Variants in C17orf78 observed in about 807,000 individuals in gnomAD.
The protein encoded by C17orf78 is chromosome 17 open reading frame 78, also known as uncharacterized protein C17orf78.
Under a neutral mutation model 31.8 loss-of-function variants are expected in C17orf78, and 27 were observed. That is an observed-to-expected ratio of 0.85 (90% CI 0.63 to 1.17). The LOEUF (loss-of-function observed/expected upper bound fraction) is 1.17, where lower values mean the gene tolerates loss of function less well. Ranked by LOEUF, C17orf78 falls within the 50% of genes most tolerant of loss-of-function variation. The probability of loss-of-function intolerance (pLI) is 0.00; values close to 1 mark genes in which losing one functional copy is unlikely to be tolerated. For synonymous variants in C17orf78, 106 were observed against 115.1 expected (o/e 0.92, Z 0.51); for missense variants, 258 against 315.2 (o/e 0.82, Z 1.37).
At chr17:37,378,438 C>G (rs1424154082) in intron 2 of C17orf78, among the ~76,000 whole-genome samples, 1 of 152,218 alleles carries the variant, frequency 6.6e-6, no homozygotes, top group African/African-American at 2.4e-5. Flanking sequence ...TTTGGCCAGG[C>G]ATGGTGGCTC....
chr17:37,385,119 C>T (rs1057312882), intron 3 of C17orf78, among the ~76,000 whole-genome samples: 21 of 152,234 alleles, frequency 1.4e-4, no homozygotes, highest in Non-Finnish European at 2.9e-5. Context: ...ACAGGTTACC[C>T]TCCTTCTACC....
At chr17:37,386,804 C>A (rs1411357472) in intron 4 of C17orf78, 2 of 152,044 alleles carry the variant, frequency 1.3e-5, no homozygotes, top group Non-Finnish European at 2.9e-5. Context: ...GTGATGACAC[C>A]AACCAAGTGC....
chr17:37,389,339 A>C lies in C17orf78; in HGVS notation c.727A>C (p.Lys243Gln). ...GGQPPGTAES[K>Q]PDSQPQKVGQ... ...CCAGCCACCTGGGACAGCTGAATCC[A>C]AGCCTGACTCTCAGCCCCAGAAGGA... The change falls in exon 6 of 7, where the codon AAG becomes CAG. Residue 243 changes from lysine (K) to glutamine (Q), a missense_variant. By Grantham distance (53) the Lys-to-Gln change is moderately conservative. Coordinates refer to ENST00000615133, the MANE Select transcript of C17orf78 (RefSeq NM_173625.5). 1 of 1,590,892 alleles carries C rather than the reference A, an allele frequency of 6.3e-7. No individual in the cohort carries two copies. The highest frequency in any genetic ancestry group is 1.3e-5 in the African/African-American group (1 of 74,598).
intron 3 of C17orf78, among the ~76,000 whole-genome samples, chr17:37,380,029 T>C: frequency 6.6e-6 from 1 of 151,362 alleles, no homozygotes; most frequent in Non-Finnish European, 1.5e-5. Context: ...CCAACCCAAA[T>C]GTCCAATAAT....
At position 37,377,878 on chromosome 17, in the gene C17orf78, G is replaced by A. The variant is rs1352133341; in HGVS notation, c.59-1G>A. On this transcript the variant is annotated splice_acceptor_variant, in intron 1 of 6. Coordinates refer to ENST00000615133, the MANE Select transcript of C17orf78 (RefSeq NM_173625.5). LOFTEE classifies it high-confidence loss of function. ...CCTCCTCCCCCTCTGCTCACCCCCA[G>A]ACCTCAGAGATAGCAGTTGCCGACT... 2 of 1,607,446 alleles carry A rather than the reference G, an allele frequency of 1.2e-6. No individual in the cohort carries two copies. The highest frequency in any genetic ancestry group is 1.7e-5 in the Admixed American group (1 of 59,508).
intron 4 of C17orf78, chr17:37,387,628 G>A (rs539257790): frequency 6.6e-6 from 1 of 151,290 alleles, no homozygotes; most frequent in Non-Finnish European, 1.5e-5. Context: ...TGTATTTTTA[G>A]TAGAGACGGG....
intron 3 of C17orf78, among the ~76,000 whole-genome samples, chr17:37,381,919 A>ACG (rs1568082507): frequency 2.2e-4 from 34 of 152,012 alleles, no homozygotes; most frequent in South Asian, 1.9e-3. Flanking sequence ...GAGCCACTGC[A>ACG]CCCGGCCATG....
chr17:37,381,915 C>CCA (rs1434276633), intron 3 of C17orf78, among the ~76,000 whole-genome samples: 1 of 152,202 alleles, frequency 6.6e-6, no homozygotes, highest in African/African-American at 2.4e-5. Context: ...GCGTGAGCCA[C>CCA]TGCACCCGGC....
chr17:37,389,380 G>A lies in C17orf78; in HGVS notation c.750+18G>A, dbSNP rs781675209. On this transcript the variant is annotated intron_variant, in intron 6 of 6. Transcript: ENST00000615133. ...CCCAGAAGGAAAGTGTTCTCTGTGT[G>A]GTTTATGTCATTTGCTTAAAGAAGG... 6 of 1,562,002 alleles carry A rather than the reference G, an allele frequency of 3.8e-6. No homozygotes were observed. In the East Asian group the frequency reaches 1.4e-4, roughly 37 times the overall value.
intron 6 of C17orf78, among the ~76,000 whole-genome samples, chr17:37,390,304 T>TTTTATATATA (rs1201500381): frequency 5.6e-5 from 1 of 17,988 alleles, no homozygotes; most frequent in Non-Finnish European, 8.1e-5. Context: ...TTATACATAA[T>TTTTATATATA]TATATATATA....
chr17:37,388,867 C>T lies in C17orf78; in HGVS notation c.633+73C>T, dbSNP rs982284448. On this transcript the variant is annotated intron_variant, in intron 5 of 6. Coordinates refer to ENST00000615133, the MANE Select transcript of C17orf78 (RefSeq NM_173625.5). ...TTCTTCTGTTCCAGAGGCAGCTTGG[C>T]ATAAGGAGAAAAGCATAGACTTTGG... 3 of 1,547,760 alleles carry T rather than the reference C, an allele frequency of 1.9e-6. No individual in the cohort carries two copies. In the Admixed American group the frequency reaches 5.4e-5, roughly 28 times the overall value.
chr17:37,378,505 G>A (rs112972082), intron 2 of C17orf78, among the ~76,000 whole-genome samples: 1,697 of 152,230 alleles, frequency 0.011, 26 homozygotes, highest in African/African-American at 0.037. Context: ...TTGAGCTTAC[G>A]AGTTTGAGAC....
At chr17:37,385,778 C>T (rs1262367012) in intron 3 of C17orf78, among the ~76,000 whole-genome samples, 2 of 152,102 alleles carry the variant, frequency 1.3e-5, no homozygotes, top group African/African-American at 4.8e-5. Context: ...TCACTTTGAT[C>T]CTATGTTAGT....
At chr17:37,378,709 G>C (rs2050111630) in intron 2 of C17orf78, among the ~76,000 whole-genome samples, 1 of 151,944 alleles carries the variant, frequency 6.6e-6, no homozygotes, top group African/African-American at 2.4e-5. Flanking sequence ...GCAAAACTCT[G>C]GGCAACAAGA....
In C17orf78 at chr17:37,391,743, A is replaced by G. The variant is rs756655256; in HGVS notation, c.*19A>G. ...CTTCTGAAAAGTTCTGCTCTATCTC[A>G]AAGACTGAATGATACTACACAGTCC... On this transcript the variant is annotated 3_prime_UTR_variant, in exon 7 of 7. Coordinates refer to ENST00000615133, the MANE Select transcript of C17orf78 (RefSeq NM_173625.5). 1.3e-6 allele frequency: 2 copies of G among 1,597,526 alleles called. No individual in the cohort carries two copies. The highest frequency in any genetic ancestry group is 1.7e-6 in the Non-Finnish European group (2 of 1,165,354).
intron 3 of C17orf78, among the ~76,000 whole-genome samples, chr17:37,380,390 C>A (rs1018451190): frequency 6.6e-6 from 1 of 150,452 alleles, no homozygotes; most frequent in Non-Finnish European, 1.5e-5. Flanking sequence ...CTAACCTGCA[C>A]AATGTGCACA....
chr17:37,384,609 T>C (rs1369650956), intron 3 of C17orf78, among the ~76,000 whole-genome samples: 1 of 152,134 alleles, frequency 6.6e-6, no homozygotes, highest in Non-Finnish European at 1.5e-5. Context: ...CAAAGTGAGA[T>C]TTGTTTATTT....
intron 4 of C17orf78, among the ~76,000 whole-genome samples, chr17:37,388,155 GA>G (rs552889702): frequency 6.6e-5 from 10 of 151,690 alleles, no homozygotes; most frequent in East Asian, 3.9e-4. Flanking sequence ...GCCAGAGTGA[GA>G]AAAAAAATGC....
rs1299482321 is a variant in C17orf78, at chr17:37,379,240, T to C, written c.249T>C (p.Tyr83=). The part of the protein sequence containing the change: ...SDSKVKVNLV[Y]LERRPKVKHI... ...GCAAAGTAAAAGTCAACCTTGTATA[T>C]TTGGAGAGAAGGCCAAAGGTCAAGC... Residue 83 remains tyrosine (Y), a synonymous_variant, in exon 3 of 7, where the codon TAT becomes TAC. Transcript: ENST00000615133. 1.9e-6 allele frequency: 3 copies of C among 1,613,868 alleles called. No homozygotes were observed. Among genetic ancestry groups the C allele is most frequent in the African/African-American group, 2.7e-5 (2 of 74,912 alleles).
Sources: gnomAD v4.1 joint callset for allele counts (sites outside exome capture counted in the v4.1 genomes callset) on GRCh38, gnomAD v4.1.1 for gene constraint, MANE v1.5 for transcripts, NCBI Gene and HGNC (gene_info 2026-07-23, HGNC 2026-07-21) for gene names.